C9: variants seen among roughly 807,000 people sequenced by gnomAD.
The protein encoded by C9 is complement C9, also known as complement component C9.
A neutral mutation model predicts 65.4 loss-of-function variants in C9; 63 were observed. The observed-to-expected ratio is 0.96, with a 90% CI of 0.79 to 1.19. The LOEUF (loss-of-function observed/expected upper bound fraction) is 1.19, where lower values mean the gene tolerates loss of function less well. Among genes scored for constraint, C9 ranks in the 50% most tolerant of loss-of-function variants. The probability of loss-of-function intolerance (pLI) is 0.00; values close to 1 mark genes in which losing one functional copy is unlikely to be tolerated. For missense variants in C9, 744 were observed against 670.1 expected, an observed-to-expected ratio of 1.11 and a Z score of -1.22; for synonymous variants, 229 against 227.9, an observed-to-expected ratio of 1.00 and a Z score of -0.04.
At chr5:39,342,259 T>C in intron 1 of C9, 63 bp from the exon 2 acceptor site, 1 of 876,556 alleles carries the variant, frequency 1.1e-6, no homozygotes, top group Non-Finnish European at 2.0e-6. Context: ...CAAGAAGTCT[T>C]CATAAACACA....
At position 39,341,161 on chromosome 5, in the gene C9, C is replaced by T. The variant is rs368001255; in HGVS notation, c.461G>A (p.Arg154Gln). The change falls in exon 4 of 11, where the codon CGA becomes CAA. Residue 154 changes from arginine to glutamine, a missense_variant. Coordinates refer to ENST00000263408, the MANE Select transcript of C9 (RefSeq NM_001737.5). ...DRVVEESELA[R>Q]TAGYGINILG... ...AAATACACACCCATAGCCTGCTGTT[C>T]GTGCCAGCTCAGACTCTTCTACCAC... 56 of 1,614,050 alleles carry T rather than the reference C, an allele frequency of 3.5e-5. No individual in the cohort carries two copies. The highest frequency in any genetic ancestry group is 3.3e-4 in the Middle Eastern group (2 of 6,084).
At chr5:39,313,922 T>A (rs1753529728) in intron 6 of C9, among the ~76,000 whole-genome samples, 1 of 152,158 alleles carries the variant, frequency 6.6e-6, no homozygotes, top group Non-Finnish European at 1.5e-5. Flanking sequence ...CTGCTCTATC[T>A]GAAGCTTTCT....
intron 7 of C9, 106 bp downstream of exon 7, chr5:39,311,031 A>G (rs1274152153): frequency 1.2e-5 from 15 of 1,272,550 alleles, no homozygotes; most frequent in Non-Finnish European, 1.7e-5. Context: ...GGAGCAGGTT[A>G]CAGGGCTTTG....
chr5:39,322,540 C>G (rs1046296378), intron 5 of C9, among the ~76,000 whole-genome samples: 5 of 152,018 alleles, frequency 3.3e-5, no homozygotes, highest in African/African-American at 9.6e-5. Flanking sequence ...AAAAGGCCAA[C>G]AAAACCAAGA....
At chr5:39,285,637 C>T (rs1241898500) in intron 10 of C9, among the ~76,000 whole-genome samples, 1 of 151,718 alleles carries the variant, frequency 6.6e-6, no homozygotes, top group Non-Finnish European at 1.5e-5. Context: ...CATGCCCAGG[C>T]AGGATCTACC....
rs189917912 is a variant in C9, at chr5:39,288,863, A to G, written c.1505T>C (p.Ile502Thr). The stretch of plus-strand genomic sequence containing the variant: ...GCATTTTCTTACACTAAATTCATTG[A>G]TATAGTCTTCAATGGCTCTTTCCAA... Reference protein sequence around the residue: ...QNLERAIEDYINEFSVRKCHT... With the variant: ...QNLERAIEDYTNEFSVRKCHT... The change falls in exon 10 of 11, where the codon ATC becomes ACC. Residue 502 changes from isoleucine to threonine, a missense_variant. By Grantham distance (89) the Ile-to-Thr change is moderately conservative. Coordinates refer to ENST00000263408, the MANE Select transcript of C9 (RefSeq NM_001737.5). 6.2e-7 allele frequency: 1 copy of G among 1,611,246 alleles called. No individual in the cohort carries two copies. The highest frequency in any genetic ancestry group is 8.5e-7 in the Non-Finnish European group (1 of 1,177,850).
At chr5:39,335,509 T>C (rs1753947707) in intron 4 of C9, among the ~76,000 whole-genome samples, 2 of 152,216 alleles carry the variant, frequency 1.3e-5, no homozygotes, top group Admixed American at 6.5e-5. Context: ...AAACTTTTTT[T>C]CTCTTGTAGT....
Position 39,285,159 on chromosome 5 carries a change from T to C in C9, c.*40A>G. ...CAGGGGTAGGATCTGAAGGTACTAG[T>C]GTTTTCTTCTTCCACTGGAGCTCAG... On this transcript the variant is annotated 3_prime_UTR_variant, in exon 11 of 11. Transcript: ENST00000263408. 6.4e-7 allele frequency: 1 copy of C among 1,562,316 alleles called. No homozygotes were observed. Among genetic ancestry groups the C allele is most frequent in the South Asian group, 1.1e-5 (1 of 90,016 alleles).
intron 1 of C9, among the ~76,000 whole-genome samples, chr5:39,347,618 G>T (rs1754232083): frequency 6.6e-6 from 1 of 152,096 alleles, no homozygotes; most frequent in South Asian, 2.1e-4. Context: ...TAGATTCAAT[G>T]CCATCCCTAT....
intron 1 of C9, among the ~76,000 whole-genome samples, chr5:39,360,433 C>T (rs1447278397): frequency 6.6e-6 from 1 of 152,078 alleles, no homozygotes; most frequent in Non-Finnish European, 1.5e-5. Flanking sequence ...AAACCCCAAT[C>T]TAGTACTCCT....
Position 39,289,016 on chromosome 5 carries a change from T to G in C9, c.1417-65A>C, listed in dbSNP as rs563473521. Reference sequence around the variant, plus strand: ...ACTGAGAGAACTTGTAGAATACACTTTACTTAATTATTCATTCACTGATTC... The same window carrying G: ...ACTGAGAGAACTTGTAGAATACACTGTACTTAATTATTCATTCACTGATTC... On this transcript the variant is annotated intron_variant, in intron 9 of 10. Transcript: ENST00000263408. The G allele has an allele frequency of 4.6e-6, 4 of 862,754 alleles. No individual in the cohort carries two copies. In the African/African-American group the frequency reaches 6.6e-5, roughly 14 times the overall value. 53.4% of individuals were successfully genotyped at this position (862,754 alleles called of 1,614,324 possible).
chr5:39,322,166 A>G (rs1753676183), intron 5 of C9, among the ~76,000 whole-genome samples: 2 of 152,048 alleles, frequency 1.3e-5, no homozygotes, highest in African/African-American at 2.4e-5. Flanking sequence ...TTTGATCACA[A>G]TGGTATGAAG....
chr5:39,317,981 C>A (rs961149516), intron 5 of C9, among the ~76,000 whole-genome samples: 2 of 152,046 alleles, frequency 1.3e-5, no homozygotes, highest in African/African-American at 2.4e-5. Flanking sequence ...TGTCTGTGAG[C>A]ATGAAATGTT....
chr5:39,330,122 G>C (rs1251016592), intron 5 of C9, among the ~76,000 whole-genome samples: 1 of 152,168 alleles, frequency 6.6e-6, no homozygotes, highest in Middle Eastern at 3.4e-3. Flanking sequence ...TCTTTTGGGG[G>C]TATTAATCTC....
At chr5:39,322,393 C>T (rs1753679151) in intron 5 of C9, among the ~76,000 whole-genome samples, 1 of 151,888 alleles carries the variant, frequency 6.6e-6, no homozygotes, top group Non-Finnish European at 1.5e-5. Flanking sequence ...AAGAATTTCT[C>T]AAATAATCTA....
chr5:39,331,888 A>G, intron 4 of C9, 74 bp from the exon 5 acceptor site: 1 of 1,258,328 alleles, frequency 7.9e-7, no homozygotes, highest in Non-Finnish European at 1.2e-6. Context: ...GTAGCTGGAA[A>G]AAGTGAGACA....
chr5:39,359,102 G>GTGTGTGTGTATATATA (rs1407613505), intron 1 of C9, among the ~76,000 whole-genome samples: 60 of 103,656 alleles, frequency 5.8e-4, no homozygotes, highest in Non-Finnish European at 9.2e-4. Flanking sequence ...GTGTGTGTGT[G>GTGTGTGTGTATATATA]TATATATATA....
At chr5:39,331,907 T>C (rs987235922) in intron 4 of C9, 93 bp from the exon 5 acceptor site, 27 of 1,042,648 alleles carry the variant, frequency 2.6e-5, no homozygotes, top group Non-Finnish European at 3.5e-5. Flanking sequence ...CAGCTTCAGT[T>C]CATGTCACCG....
Position 39,341,206 on chromosome 5 carries a change from C to T in C9, c.416G>A (p.Arg139His), listed in dbSNP as rs144527313. 33 of 1,614,144 alleles carry T rather than the reference C, an allele frequency of 2.0e-5. No individual in the cohort carries two copies. The highest frequency in any genetic ancestry group is 3.3e-4 in the Middle Eastern group (2 of 6,062). Residue 139 changes from arginine (R) to histidine (H), a missense_variant, in exon 4 of 11, where the codon CGT (arginine) becomes CAT (histidine). Arg to His is a conservative substitution (Grantham distance 29). Coordinates refer to ENST00000263408, the MANE Select transcript of C9 (RefSeq NM_001737.5). ...SDEDDCESEP[R>H]PPCRDRVVEE... ...TACCACTCTGTCTCTGCAGGGGGGACGGGGCTCACTTTCACAATCATCCTC... is the reference window on the plus strand; with the variant it reads ...TACCACTCTGTCTCTGCAGGGGGGATGGGGCTCACTTTCACAATCATCCTC...
Sources: allele counts gnomAD v4.1 joint callset (sites outside exome capture counted in the v4.1 genomes callset), GRCh38; gene constraint gnomAD v4.1.1; transcripts MANE v1.5; gene names NCBI Gene and HGNC (gene_info 2026-07-23, HGNC 2026-07-21).